The following DIP2C variants were observed in gnomAD, a reference collection of about 807,000 sequenced individuals.
DIP2C encodes the protein disco-interacting protein 2 homolog C.
In DIP2C, 33 loss-of-function variants were observed where a neutral mutation model predicts 192.4. That is an observed-to-expected ratio of 0.17 (90% confidence interval 0.13 to 0.23). The LOEUF is 0.23. Ranked by LOEUF, DIP2C falls within the 10% of genes least tolerant of loss-of-function variation. The pLI is 1.00. For missense variants in DIP2C, 1,537 were observed against 2,110.1 expected (o/e 0.73, Z 5.32); for synonymous variants, 979 against 864.1 (o/e 1.13, Z -2.33).
chr10:468,580 G>A (rs989139645), intron 3 of DIP2C, among the ~76,000 whole-genome samples: 1 of 152,174 alleles, frequency 6.6e-6, no homozygotes, highest in African/African-American at 2.4e-5. Flanking sequence ...GACCAACATG[G>A]AGAAACCCTG....
intron 1 of DIP2C, among the ~76,000 whole-genome samples, chr10:577,794 G>A (rs148894209): frequency 5.3e-5 from 8 of 151,026 alleles, no homozygotes; most frequent in African/African-American, 2.0e-4. Flanking sequence ...ACCCAGAGAT[G>A]TTTTGTTTTG....
intron 34 of DIP2C, 143 bp from the exon 35 acceptor site, chr10:283,589 C>A: frequency 9.0e-7 from 1 of 1,109,194 alleles, no homozygotes; most frequent in Non-Finnish European, 1.3e-6. Context: ...TGATGTTAAT[C>A]TCATTCGGGT....
intron 2 of DIP2C, 84 bp downstream of exon 2, chr10:486,375 G>A (rs1844016620): frequency 7.6e-7 from 1 of 1,314,278 alleles, no homozygotes; most frequent in Non-Finnish European, 1.0e-6. Flanking sequence ...GGGAAGCAAG[G>A]GAGCGTCTGC....
In DIP2C at chr10:341,186, A is replaced by G; in HGVS notation, c.3584+13T>C. The G allele has an allele frequency of 6.2e-7, 1 of 1,613,994 alleles. No individual in the cohort carries two copies. Among genetic ancestry groups the G allele is most frequent in the Non-Finnish European group, 8.5e-7 (1 of 1,179,996 alleles). On this transcript the variant is annotated intron_variant, in intron 29 of 36. Transcript: ENST00000280886. ...GATTTTTTTTAATGTAAAGATATAGAGAGGCATCTTACCTGCAGAGGCACC... is the reference window on the plus strand; with the variant it reads ...GATTTTTTTTAATGTAAAGATATAGGGAGGCATCTTACCTGCAGAGGCACC...
chr10:368,405 G>A (rs1455073723), intron 18 of DIP2C, among the ~76,000 whole-genome samples: 1 of 152,240 alleles, frequency 6.6e-6, no homozygotes, highest in Non-Finnish European at 1.5e-5. Context: ...AGGGGGGCCT[G>A]GCCACAGCTG....
chr10:420,296 C>T (rs1424882811), intron 5 of DIP2C, among the ~76,000 whole-genome samples: 3 of 152,274 alleles, frequency 2.0e-5, no homozygotes, highest in African/African-American at 7.2e-5. Flanking sequence ...GAGAATCGGG[C>T]CGGGTGGGCG....
rs542875560 is a variant in DIP2C, at chr10:562,128, TTC to T, written c.86-75600_86-75599del. ...TACTCCAAAGGCTTTTTGTTTTGCCTTCTCAAGGTTCTCCACAATGATCCTGA... is the reference window on the plus strand; with the variant it reads ...TACTCCAAAGGCTTTTTGTTTTGCCTTCAAGGTTCTCCACAATGATCCTGA... On this transcript the variant is annotated intron_variant, in intron 1 of 36. Transcript: ENST00000280886. Among the ~76,000 whole-genome samples the T allele has an allele frequency of 3.2e-3, 481 of 152,344 alleles. 1 individual carries two copies. The highest frequency in any genetic ancestry group is 6.7e-3 in the Admixed American group (102 of 15,306).
chr10:457,578 C>A (rs1375489381), intron 3 of DIP2C, among the ~76,000 whole-genome samples: 1 of 152,136 alleles, frequency 6.6e-6, no homozygotes, highest in Admixed American at 6.5e-5. Flanking sequence ...TTTTTAGAGG[C>A]AGGGTCTCAC....
intron 1 of DIP2C, among the ~76,000 whole-genome samples, chr10:512,871 G>A (rs59023852): frequency 6.6e-4 from 88 of 132,608 alleles, no homozygotes; most frequent in African/African-American, 2.5e-3. Context: ...CCGAGATTGC[G>A]CCACTGTACT....
intron 1 of DIP2C, among the ~76,000 whole-genome samples, chr10:513,757 G>A (rs1383940810): frequency 6.6e-6 from 1 of 152,032 alleles, no homozygotes; most frequent in Non-Finnish European, 1.5e-5. Context: ...GCTCACGATT[G>A]TAACTGGTAG....
rs935489974 is a variant in DIP2C at position 631,258 on chromosome 10, C to T, written c.85+58236G>A. On this transcript the variant is annotated intron_variant, in intron 1 of 36. Coordinates refer to ENST00000280886, the MANE Select transcript of DIP2C (RefSeq NM_014974.3). ...AAACATCTCAGTTTTCAAAGCACCA[C>T]GTGCCTTGGTACTTTCTCCTTATTA... is the stretch of plus-strand genomic sequence containing the variant. 5.3e-5 allele frequency: 8 copies of T among 152,222 alleles called. No individual in the cohort carries two copies. In the South Asian group the frequency reaches 8.3e-4, roughly 16 times the overall value. The allele number at this position is 152,222 out of a possible 1,614,324, so 9.4% of individuals were successfully genotyped here.
At chr10:409,318 G>T (rs1965026534) in intron 8 of DIP2C, among the ~76,000 whole-genome samples, 1 of 152,176 alleles carries the variant, frequency 6.6e-6, no homozygotes, top group Admixed American at 6.5e-5. Context: ...GTGGCGAGGG[G>T]GGGCGCGGAC....
intron 1 of DIP2C, among the ~76,000 whole-genome samples, chr10:514,042 GGAACAT>G (rs1363441605): frequency 1.3e-5 from 2 of 152,172 alleles, no homozygotes; most frequent in African/African-American, 4.8e-5. Context: ...TCAGAGAACA[GGAACAT>G]GAGCAAGTTC....
chr10:402,363 C>T (rs369586584), intron 9 of DIP2C, among the ~76,000 whole-genome samples: 1 of 7,552 alleles, frequency 1.3e-4, no homozygotes, highest in African/African-American at 1.5e-4. Context: ...AAGTTTGGTA[C>T]GTTTTCATCA....
At chr10:418,862 G>A (rs1337361957) in intron 6 of DIP2C, among the ~76,000 whole-genome samples, 1 of 152,204 alleles carries the variant, frequency 6.6e-6, no homozygotes, top group African/African-American at 2.4e-5. Context: ...TTTCCTACAA[G>A]GAATAACTGT....
At chr10:361,551 A>T (rs1959506712) in intron 22 of DIP2C, among the ~76,000 whole-genome samples, 1 of 152,184 alleles carries the variant, frequency 6.6e-6, no homozygotes, top group South Asian at 2.1e-4. Flanking sequence ...CCAGCTACTG[A>T]ACTACTTCCC....
chr10:575,785 C>T (rs755405755), intron 1 of DIP2C, among the ~76,000 whole-genome samples: 1 of 151,938 alleles, frequency 6.6e-6, no homozygotes, highest in Non-Finnish European at 1.5e-5. Context: ...GCCAGGGGCA[C>T]AGTTTCCTCC....
intron 1 of DIP2C, among the ~76,000 whole-genome samples, chr10:582,507 A>AG (rs1850733508): frequency 6.6e-6 from 1 of 152,200 alleles, no homozygotes; most frequent in African/African-American, 2.4e-5. Flanking sequence ...CGCCTGAGCC[A>AG]GGGAGGTCCA....
rs117031978 is a variant in DIP2C at position 372,560 on chromosome 10, T to G, written c.1992-2927A>C. On this transcript the variant is annotated intron_variant, in intron 17 of 36. Transcript: ENST00000280886. ...ACGTTAACCTTCATTAATTTAACCTTCCACTGTACATTTATTCATATTTGA... is the reference window on the plus strand; with the variant it reads ...ACGTTAACCTTCATTAATTTAACCTGCCACTGTACATTTATTCATATTTGA... Among the ~76,000 whole-genome samples, 927 of 152,344 alleles carry G rather than the reference T, an allele frequency of 6.1e-3. 5 individuals are homozygous for G. Among genetic ancestry groups the G allele is most frequent in the Middle Eastern group, 0.014 (4 of 294 alleles).
Sources: allele counts gnomAD v4.1 joint callset (sites outside exome capture counted in the v4.1 genomes callset), GRCh38; gene constraint gnomAD v4.1.1; transcripts MANE v1.5; gene names NCBI Gene and HGNC (gene_info 2026-07-23, HGNC 2026-07-21).